The following AKT3 variants were observed in gnomAD, a reference collection of about 807,000 sequenced individuals.
AKT3 encodes the protein AKT serine/threonine kinase 3, also known as RAC-gamma serine/threonine-protein kinase.
A neutral mutation model predicts 65.3 loss-of-function variants in AKT3; 15 were observed. The observed-to-expected ratio is 0.23, with a 90% confidence interval of 0.15 to 0.35. The LOEUF (loss-of-function observed/expected upper bound fraction) is 0.35. Among genes scored for constraint, AKT3 ranks in the 10% least tolerant of loss-of-function variants. The probability of loss-of-function intolerance (pLI) is 1.00; values close to 1 mark genes in which losing one functional copy is unlikely to be tolerated. For synonymous variants in AKT3, 206 were observed against 183.8 expected, an observed-to-expected ratio of 1.12 and a Z score of -0.98; for missense variants, 243 against 576.5, an observed-to-expected ratio of 0.42 and a Z score of 5.92.
rs536072693 is a variant in AKT3 at position 243,539,535 on chromosome 1, T to C, written c.1251+5975A>G. Among the ~76,000 whole-genome samples the C allele has an allele frequency of 3.3e-5, 5 of 152,278 alleles. No homozygotes were observed. In the East Asian group the frequency reaches 9.6e-4, roughly 29 times the overall value. On this transcript the variant is annotated intron_variant, in intron 12 of 13. Coordinates refer to ENST00000673466, the MANE Select transcript of AKT3 (RefSeq NM_005465.7). ...CTCCCACATTGTTCAAGGGTCAATG[T>C]ATAGATTCTTTCAAGTGTATATAGA...
intron 2 of AKT3, among the ~76,000 whole-genome samples, chr1:243,790,586 G>A (rs539407676): frequency 3.9e-5 from 6 of 152,268 alleles, no homozygotes; most frequent in South Asian, 2.1e-4. Context: ...TCATTCATGG[G>A]TTCACTGGAA....
At chr1:243,547,819 A>C (rs1443738753) in intron 11 of AKT3, among the ~76,000 whole-genome samples, 1 of 152,226 alleles carries the variant, frequency 6.6e-6, no homozygotes, top group Non-Finnish European at 1.5e-5. Context: ...GTGATGATAA[A>C]TAATTCCCAC....
chr1:243,697,747 C>T (rs376028617), intron 2 of AKT3, among the ~76,000 whole-genome samples: 4 of 152,024 alleles, frequency 2.6e-5, no homozygotes, highest in East Asian at 1.9e-4. Flanking sequence ...AAGCTCATAA[C>T]GAGAGATCTG....
chr1:243,592,578 A>G (rs1396172107), intron 8 of AKT3, among the ~76,000 whole-genome samples: 1 of 152,232 alleles, frequency 6.6e-6, no homozygotes, highest in Non-Finnish European at 1.5e-5. Context: ...AAATGTAAAA[A>G]TGGCAAATTA....
At chr1:243,698,591 T>C (rs1450628287) in intron 2 of AKT3, among the ~76,000 whole-genome samples, 2 of 152,058 alleles carry the variant, frequency 1.3e-5, no homozygotes, top group African/African-American at 4.8e-5. Flanking sequence ...CAAAAAGCTA[T>C]TTAAAAATAA....
chr1:243,495,411 T>C (rs1480875132), downstream of AKT3, among the ~76,000 whole-genome samples: 1 of 152,026 alleles, frequency 6.6e-6, no homozygotes, highest in Non-Finnish European at 1.5e-5. Flanking sequence ...AGCCCTGCGG[T>C]GGAAGGGAAG....
intron 5 of AKT3, among the ~76,000 whole-genome samples, chr1:243,639,089 C>G (rs1293698706): frequency 6.6e-6 from 1 of 152,060 alleles, no homozygotes; most frequent in East Asian, 1.9e-4. Context: ...ACGTAAGAGA[C>G]TATTATAAAT....
intron 1 of AKT3, among the ~76,000 whole-genome samples, chr1:243,844,391 G>A (rs1484854125): frequency 6.6e-6 from 1 of 152,174 alleles, no homozygotes; most frequent in Non-Finnish European, 1.5e-5. Context: ...ATACATACTT[G>A]GGAAAGATAC....
intron 6 of AKT3, among the ~76,000 whole-genome samples, chr1:243,629,046 G>T (rs894106183): frequency 1.3e-5 from 2 of 152,176 alleles, no homozygotes; most frequent in Admixed American, 6.5e-5. Context: ...GGAGGCCGAG[G>T]CAGGTGGATC....
chr1:243,755,697 G>A (rs1238037397), intron 2 of AKT3, among the ~76,000 whole-genome samples: 1 of 152,128 alleles, frequency 6.6e-6, no homozygotes, highest in Admixed American at 6.5e-5. Flanking sequence ...TTAGAAAATA[G>A]CAAATCATAT....
chr1:243,700,724 G>A (rs1045833167), intron 2 of AKT3, among the ~76,000 whole-genome samples: 6 of 152,006 alleles, frequency 3.9e-5, no homozygotes, highest in African/African-American at 7.2e-5. Flanking sequence ...GGATGGTCTC[G>A]ATCCCTTGAC....
In AKT3 at chr1:243,499,851, T is replaced by C; in HGVS notation, c.*5398A>G. On this transcript the variant is annotated 3_prime_UTR_variant, in exon 14 of 14. Coordinates refer to ENST00000673466, the MANE Select transcript of AKT3 (RefSeq NM_005465.7). Reference sequence around the variant, plus strand: ...TATTTACATTCATCTGGTTTAGACTTAATATGCCACAACGCACCACGACCT... The same window carrying C: ...TATTTACATTCATCTGGTTTAGACTCAATATGCCACAACGCACCACGACCT... 1 of 1,498,054 alleles carries C rather than the reference T, an allele frequency of 6.7e-7. No homozygotes were observed. The highest frequency in any genetic ancestry group is 9.3e-7 in the Non-Finnish European group (1 of 1,079,686). 92.8% of individuals were successfully genotyped at this position (1,498,054 alleles called of 1,614,324 possible).
At chr1:243,489,080 G>A in intron 13 of AKT3, 1 of 1,613,430 alleles carries the variant, frequency 6.2e-7, no homozygotes, top group South Asian at 1.1e-5. Flanking sequence ...TCAGCAAGCA[G>A]AACCAGCTTC....
rs535083199 is a variant in AKT3, at chr1:243,544,021, T to G, written c.1251+1489A>C. Among the ~76,000 whole-genome samples the G allele has an allele frequency of 1.1e-3, 161 of 152,134 alleles. 1 individual carries two copies. Among genetic ancestry groups the G allele is most frequent in the Middle Eastern group, 6.8e-3 (2 of 294 alleles). ...TTAAGGCTTAACAGAGAAGAACACTTGGCACATAACAGACCCCAAATAAAT... is the reference window on the plus strand; with the variant it reads ...TTAAGGCTTAACAGAGAAGAACACTGGGCACATAACAGACCCCAAATAAAT... On this transcript the variant is annotated intron_variant, in intron 12 of 13. Coordinates refer to ENST00000673466, the MANE Select transcript of AKT3 (RefSeq NM_005465.7).
intron 2 of AKT3, among the ~76,000 whole-genome samples, chr1:243,705,947 G>T (rs370326017): frequency 6.6e-6 from 1 of 152,100 alleles, no homozygotes; most frequent in African/African-American, 2.4e-5. Flanking sequence ...TCAAAAAGTA[G>T]TCATAGAATT....
intron 1 of AKT3, among the ~76,000 whole-genome samples, chr1:243,847,237 T>C (rs996729570): frequency 6.6e-6 from 1 of 152,170 alleles, no homozygotes; most frequent in African/African-American, 2.4e-5. Flanking sequence ...AAAATGGTTT[T>C]TCAGTTCTTG....
chr1:243,722,365 A>C (rs1415738551), intron 2 of AKT3, among the ~76,000 whole-genome samples: 1 of 152,230 alleles, frequency 6.6e-6, no homozygotes, highest in African/African-American at 2.4e-5. Flanking sequence ...GTTCCATCAA[A>C]GCAGCTCCAT....
chr1:243,782,651 G>A (rs1195997866), intron 2 of AKT3, among the ~76,000 whole-genome samples: 1 of 152,202 alleles, frequency 6.6e-6, no homozygotes, highest in African/African-American at 2.4e-5. Flanking sequence ...GAACCCAGAA[G>A]CAAACCCATA....
intron 12 of AKT3, among the ~76,000 whole-genome samples, chr1:243,541,782 TTGTC>T (rs776734224): frequency 2.4e-4 from 37 of 152,332 alleles, no homozygotes; most frequent in Non-Finnish European, 4.7e-4. Context: ...GAAGATATGA[TTGTC>T]TGTGCAGAGA....
Sources: gnomAD v4.1 joint callset for allele counts (sites outside exome capture counted in the v4.1 genomes callset) on GRCh38, gnomAD v4.1.1 for gene constraint, MANE v1.5 for transcripts, NCBI Gene and HGNC (gene_info 2026-07-23, HGNC 2026-07-21) for gene names.